The following ZFAT variants were observed in gnomAD, a reference collection of about 807,000 sequenced individuals.
ZFAT encodes zinc finger protein ZFAT.
A neutral mutation model predicts 117.7 loss-of-function variants in ZFAT; 64 were observed. That is an observed-to-expected ratio of 0.54 (90% CI 0.44 to 0.67). The LOEUF (loss-of-function observed/expected upper bound fraction) is 0.67, where lower values mean the gene tolerates loss of function less well. ZFAT is among the 30% of genes least tolerant of loss of function. The pLI is 0.00. For synonymous variants in ZFAT, 679 were observed against 615.0 expected (o/e 1.10, Z -1.54); for missense variants, 1,433 against 1,584.5 (o/e 0.90, Z 1.62).
the ZFAT span, among the ~76,000 whole-genome samples, chr8:134,751,569 A>T: frequency 1.3e-5 from 2 of 152,144 alleles, no homozygotes; most frequent in Non-Finnish European, 2.9e-5. Context: ...AGTAAAAGTG[A>T]CCCAGAGAGA....
At chr8:134,512,107 A>G (rs1170854745) in intron 14 of ZFAT, among the ~76,000 whole-genome samples, 2 of 152,228 alleles carry the variant, frequency 1.3e-5, no homozygotes, top group Admixed American at 6.5e-5. Context: ...CCCTCAGTCA[A>G]CCACTAACAA....
chr8:134,635,554 C>T (rs970416925), intron 3 of ZFAT, among the ~76,000 whole-genome samples: 20 of 151,992 alleles, frequency 1.3e-4, no homozygotes, highest in African/African-American at 2.7e-4. Flanking sequence ...AATGCAACGT[C>T]GTTACCTAGC....
the ZFAT span, among the ~76,000 whole-genome samples, chr8:134,815,286 G>A: frequency 6.6e-6 from 1 of 152,180 alleles, no homozygotes; most frequent in Non-Finnish European, 1.5e-5. Context: ...ACAAGTCTTA[G>A]TAAAATTAAA....
At chr8:134,705,136 G>A (rs1427700870) in intron 1 of ZFAT, among the ~76,000 whole-genome samples, 8 of 152,012 alleles carry the variant, frequency 5.3e-5, no homozygotes, top group Admixed American at 3.3e-4. Flanking sequence ...CAAATATCCA[G>A]AATATATAAA....
At chr8:134,657,263 C>G (rs534950575) in intron 2 of ZFAT, among the ~76,000 whole-genome samples, 32 of 152,292 alleles carry the variant, frequency 2.1e-4, no homozygotes, top group African/African-American at 7.5e-4. Flanking sequence ...GGTAATGCAG[C>G]CAGTAGGTAC....
chr8:134,618,082 T>C (rs995774201), intron 3 of ZFAT, among the ~76,000 whole-genome samples: 2 of 152,188 alleles, frequency 1.3e-5, no homozygotes, highest in African/African-American at 2.4e-5. Context: ...CCCGCCATGA[T>C]TCTGAGGCCT....
At chr8:134,616,138 C>T (rs930625160) in intron 3 of ZFAT, among the ~76,000 whole-genome samples, 5 of 152,110 alleles carry the variant, frequency 3.3e-5, no homozygotes, top group African/African-American at 7.2e-5. Flanking sequence ...GGTTCTCCAC[C>T]GCACTCCTGT....
At chr8:134,771,905 T>C in the ZFAT span, among the ~76,000 whole-genome samples, 1 of 152,228 alleles carries the variant, frequency 6.6e-6, no homozygotes, top group Non-Finnish European at 1.5e-5. Flanking sequence ...ACATCTTATG[T>C]GGATGGAGGC....
chr8:134,796,802 T>C, the ZFAT span: 4 of 152,260 alleles, frequency 2.6e-5, no homozygotes, highest in South Asian at 2.1e-4. Flanking sequence ...TAAATAAATA[T>C]ATATATGTAT....
chr8:134,645,534 T>C (rs1830836754), intron 2 of ZFAT, among the ~76,000 whole-genome samples: 1 of 152,204 alleles, frequency 6.6e-6, no homozygotes, highest in Non-Finnish European at 1.5e-5. Flanking sequence ...TTGTCAAAAG[T>C]AAATTATTTA....
In ZFAT at chr8:134,579,075, C is replaced by T. The variant is rs1004301713; in HGVS notation, c.2887+4757G>A. On this transcript the variant is annotated intron_variant, in intron 10 of 15. Coordinates refer to ENST00000377838, the MANE Select transcript of ZFAT (RefSeq NM_020863.4). ...CAATCTCTTTACAAACTTTGGCAAC[C>T]CCTGGGCCATAAGAGACCGGGTCTA... is the stretch of plus-strand genomic sequence containing the variant. Among the ~76,000 whole-genome samples the T allele has an allele frequency of 3.9e-5, 6 of 152,278 alleles. No homozygotes were observed. In the East Asian group the frequency reaches 5.8e-4, roughly 15 times the overall value.
chr8:134,754,269 C>T, the ZFAT span, among the ~76,000 whole-genome samples: 1 of 152,152 alleles, frequency 6.6e-6, no homozygotes. Context: ...ACTATGTTTA[C>T]CCTCACTTAG....
At chr8:134,539,110 C>A (rs1437916416) in intron 11 of ZFAT, among the ~76,000 whole-genome samples, 1 of 152,088 alleles carries the variant, frequency 6.6e-6, no homozygotes, top group Non-Finnish European at 1.5e-5. Context: ...AACTGGGTTC[C>A]GAAAAACCTG....
the ZFAT span, among the ~76,000 whole-genome samples, chr8:134,730,019 G>T: frequency 2.6e-5 from 4 of 152,166 alleles, no homozygotes; most frequent in Non-Finnish European, 5.9e-5. Context: ...GACAGTGTTT[G>T]GGTCAGTTAG....
At chr8:134,550,312 A>AAAAAAAAAC (rs1823044468) in intron 11 of ZFAT, among the ~76,000 whole-genome samples, 1 of 142,602 alleles carries the variant, frequency 7.0e-6, no homozygotes, top group Non-Finnish European at 1.5e-5. Context: ...TCACAACGGA[A>AAAAAAAAAC]AAAAAAAAAA....
the ZFAT span, among the ~76,000 whole-genome samples, chr8:134,730,119 A>G: frequency 6.7e-3 from 1,025 of 152,292 alleles, 13 homozygotes; most frequent in African/African-American, 0.023. Context: ...GAGAAAGCAG[A>G]AGAGAAGTCT....
At chr8:134,654,393 G>C (rs1285816081) in intron 2 of ZFAT, among the ~76,000 whole-genome samples, 1 of 152,178 alleles carries the variant, frequency 6.6e-6, no homozygotes, top group Non-Finnish European at 1.5e-5. Context: ...TATTCGCCCA[G>C]TAGAAGCACC....
the ZFAT span, among the ~76,000 whole-genome samples, chr8:134,811,171 C>T: frequency 1.2e-4 from 18 of 151,950 alleles, no homozygotes; most frequent in Admixed American, 1.2e-3. Flanking sequence ...TTCTTAATTC[C>T]CTAAACGTTT....
At chr8:134,642,569 T>C (rs1830645294) in intron 2 of ZFAT, among the ~76,000 whole-genome samples, 1 of 152,242 alleles carries the variant, frequency 6.6e-6, no homozygotes, top group Non-Finnish European at 1.5e-5. Flanking sequence ...TTAGATAATG[T>C]GATTTCTTGA....
Sources: allele counts gnomAD v4.1 joint callset (sites outside exome capture counted in the v4.1 genomes callset), GRCh38; gene constraint gnomAD v4.1.1; transcripts MANE v1.5; gene names NCBI Gene and HGNC (gene_info 2026-07-23, HGNC 2026-07-21).